ST8SIA5: variants seen among roughly 807,000 people sequenced by gnomAD.
The protein encoded by ST8SIA5 is alpha-2,8-sialyltransferase 8E.
Under a neutral mutation model 40.2 loss-of-function variants are expected in ST8SIA5, and 24 were observed. That is an observed-to-expected ratio of 0.60 (90% CI 0.43 to 0.84). The LOEUF is 0.84. ST8SIA5 is among the 40% of genes least tolerant of loss of function. The pLI is 0.00. For synonymous variants in ST8SIA5, 198 were observed against 201.8 expected, an observed-to-expected ratio of 0.98 and a Z score of 0.16; for missense variants, 465 against 498.5, an observed-to-expected ratio of 0.93 and a Z score of 0.64.
rs1243030483 is a variant in ST8SIA5 at position 46,756,786 on chromosome 18, C to T, written c.-278G>A. The T allele has an allele frequency of 1.3e-5, 5 of 371,984 alleles. No individual in the cohort carries two copies. In the East Asian group the frequency reaches 2.0e-4, roughly 15 times the overall value. 23.0% of individuals were successfully genotyped at this position (371,984 alleles called of 1,614,324 possible). ...CCCCGGGTACCTTTACCTCCAGGCG[C>T]CGGTGCCGGGTAGCCGCCGATTTCC... On this transcript the variant is annotated 5_prime_UTR_variant, in exon 1 of 7. Coordinates refer to ENST00000315087, the MANE Select transcript of ST8SIA5 (RefSeq NM_013305.6).
chr18:46,754,823 A>C (rs2040226378), intron 1 of ST8SIA5, among the ~76,000 whole-genome samples: 1 of 152,216 alleles, frequency 6.6e-6, no homozygotes, highest in Non-Finnish European at 1.5e-5. Context: ...AGGTGCCGGG[A>C]GGGGGCAGGA....
intron 1 of ST8SIA5, among the ~76,000 whole-genome samples, chr18:46,734,566 G>A (rs2040016442): frequency 6.6e-6 from 1 of 152,164 alleles, no homozygotes; most frequent in Admixed American, 6.5e-5. Flanking sequence ...TTGAGCCTCT[G>A]CAGAGGAGAG....
chr18:46,701,634 A>G (rs561783958), intron 2 of ST8SIA5, among the ~76,000 whole-genome samples: 3 of 152,296 alleles, frequency 2.0e-5, no homozygotes, highest in East Asian at 1.9e-4. Flanking sequence ...GCTCTGCAGT[A>G]TCTTCATCTC....
Position 46,692,200 on chromosome 18 carries a change from C to G in ST8SIA5, c.280G>C (p.Ala94Pro). Reference sequence around the variant, plus strand: ...TGGTTGGCCTCAGAGATGTTCATCGCCCATTTGCACATCTGGAGGCTCTTC... The same window carrying G: ...TGGTTGGCCTCAGAGATGTTCATCGGCCATTTGCACATCTGGAGGCTCTTC... ...RWKSLQMCKWAMNISEANQFK... is the reference protein window; with the variant it reads ...RWKSLQMCKWPMNISEANQFK... Residue 94 changes from alanine (A) to proline (P), a missense_variant, in exon 3 of 7, where the codon GCG becomes CCG. Transcript: ENST00000315087. 4 of 1,614,096 alleles carry G rather than the reference C, an allele frequency of 2.5e-6. No homozygotes were observed. The highest frequency in any genetic ancestry group is 3.4e-6 in the Non-Finnish European group (4 of 1,180,018).
chr18:46,708,037 T>G (rs752271100), intron 1 of ST8SIA5, among the ~76,000 whole-genome samples: 1 of 152,164 alleles, frequency 6.6e-6, no homozygotes, highest in African/African-American at 2.4e-5. Context: ...GCAAAAACAA[T>G]GCAGTGCATG....
intron 1 of ST8SIA5, among the ~76,000 whole-genome samples, chr18:46,749,408 C>T (rs2040174032): frequency 6.6e-6 from 1 of 152,060 alleles, no homozygotes; most frequent in Non-Finnish European, 1.5e-5. Context: ...ACGATGAGGA[C>T]TAAAATGAGG....
In ST8SIA5 at chr18:46,674,553, G is replaced by A. The variant is rs761526942; in HGVS notation, c.*5489C>T. 2.0e-5 allele frequency: 3 copies of A among 152,264 alleles called. No homozygotes were observed. The East Asian group carries it at 5.8e-4, about 29-fold the overall frequency. The allele number at this position is 152,264 out of a possible 1,614,324, so 9.4% of individuals were successfully genotyped here. A position where few individuals can be genotyped will look rare whatever the true frequency, so the allele number is the denominator to read the frequency against. On this transcript the variant is annotated 3_prime_UTR_variant, in exon 7 of 7. Coordinates refer to ENST00000315087, the MANE Select transcript of ST8SIA5 (RefSeq NM_013305.6). ...CCCAGGAACCAGAGACCTCATTACT[G>A]TAGTAAACATGTGTTGAGTGGCCAT... is the stretch of plus-strand genomic sequence containing the variant.
chr18:46,686,096 G>A (rs962732278), intron 5 of ST8SIA5, 78 bp downstream of exon 5: 8 of 1,383,874 alleles, frequency 5.8e-6, no homozygotes, highest in Middle Eastern at 3.6e-4. Context: ...TTAAAGGGTA[G>A]CATTAGGGAA....
chr18:46,736,114 AAC>A (rs1246901790), intron 1 of ST8SIA5, among the ~76,000 whole-genome samples: 2 of 152,200 alleles, frequency 1.3e-5, no homozygotes, highest in African/African-American at 4.8e-5. Flanking sequence ...TTATCATTTC[AAC>A]ACACAAACAA....
At chr18:46,737,035 C>A (rs191372455) in intron 1 of ST8SIA5, among the ~76,000 whole-genome samples, 194 of 152,340 alleles carry the variant, frequency 1.3e-3, no homozygotes, top group Non-Finnish European at 2.5e-3. Flanking sequence ...GAGGAAGCCA[C>A]CTTGCCCACC....
chr18:46,714,465 G>A (rs1568265175), intron 1 of ST8SIA5, among the ~76,000 whole-genome samples: 1 of 152,204 alleles, frequency 6.6e-6, no homozygotes, highest in Non-Finnish European at 1.5e-5. Context: ...GAGGGAGAAT[G>A]GGTAGTGGAA....
chr18:46,721,351 G>A (rs1021024934), intron 1 of ST8SIA5: 44 of 1,535,488 alleles, frequency 2.9e-5, no homozygotes, highest in Middle Eastern at 1.7e-4. Context: ...GCCTTTTGCC[G>A]GGGTCTGTAC....
chr18:46,737,705 T>G (rs561597253), intron 1 of ST8SIA5, among the ~76,000 whole-genome samples: 2 of 152,204 alleles, frequency 1.3e-5, no homozygotes, highest in African/African-American at 4.8e-5. Flanking sequence ...TTAAATGAAA[T>G]AATCTTCATT....
At chr18:46,724,757 T>C (rs2039897150) in intron 1 of ST8SIA5, among the ~76,000 whole-genome samples, 1 of 152,098 alleles carries the variant, frequency 6.6e-6, no homozygotes, top group Non-Finnish European at 1.5e-5. Context: ...GTGGATCACT[T>C]GAGGTCAGGA....
chr18:46,725,813 G>A (rs2039912114), intron 1 of ST8SIA5, among the ~76,000 whole-genome samples: 1 of 151,044 alleles, frequency 6.6e-6, no homozygotes, highest in Non-Finnish European at 1.5e-5. Context: ...TATAAAGGAA[G>A]ATGACAAAAT....
chr18:46,673,459 T>C lies in ST8SIA5; in HGVS notation c.*6583A>G, dbSNP rs2039321020. The C allele has an allele frequency of 6.6e-6, 1 of 152,094 alleles. No homozygotes were observed. The highest frequency in any genetic ancestry group is 1.5e-5 in the Non-Finnish European group (1 of 68,034). 9.4% of individuals were successfully genotyped at this position (152,094 alleles called of 1,614,324 possible). A position where few individuals can be genotyped will look rare whatever the true frequency, so the allele number is the denominator to read the frequency against. On this transcript the variant is annotated 3_prime_UTR_variant, in exon 7 of 7. Coordinates refer to ENST00000315087, the MANE Select transcript of ST8SIA5 (RefSeq NM_013305.6). Reference sequence around the variant, plus strand: ...TGAATTTCAAGCCATACATGGCCACTCAACTGGTGGCAACTTCTGAACCAC... The same window carrying C: ...TGAATTTCAAGCCATACATGGCCACCCAACTGGTGGCAACTTCTGAACCAC...
At chr18:46,715,550 T>A (rs2039779329) in intron 1 of ST8SIA5, among the ~76,000 whole-genome samples, 1 of 126,966 alleles carries the variant, frequency 7.9e-6, no homozygotes, top group African/African-American at 2.9e-5. Flanking sequence ...ACAGAAGTGA[T>A]CTATTTTTTT....
chr18:46,756,541 G>T lies in ST8SIA5; in HGVS notation c.-33C>A. ...ACCGGGCGCCGCGGGCGCGGGGTAC[G>T]GGGCGGCCAGGCAATGACTCGCGGG... On this transcript the variant is annotated 5_prime_UTR_variant, in exon 1 of 7. Coordinates refer to ENST00000315087, the MANE Select transcript of ST8SIA5 (RefSeq NM_013305.6). 2.5e-6 allele frequency: 4 copies of T among 1,608,906 alleles called. No homozygotes were observed. The highest frequency in any genetic ancestry group is 1.3e-5 in the African/African-American group (1 of 74,550).
chr18:46,710,646 T>C (rs1255370092), intron 1 of ST8SIA5, among the ~76,000 whole-genome samples: 2 of 24,812 alleles, frequency 8.1e-5, no homozygotes, highest in Non-Finnish European at 2.0e-4. Flanking sequence ...GTTCAAGTGA[T>C]TCTCCCGAAG....
Sources: gnomAD v4.1 joint callset for allele counts (sites outside exome capture counted in the v4.1 genomes callset) on GRCh38, gnomAD v4.1.1 for gene constraint, MANE v1.5 for transcripts, NCBI Gene and HGNC (gene_info 2026-07-23, HGNC 2026-07-21) for gene names.